The following PTH2R variants were observed in gnomAD, a reference collection of about 807,000 sequenced individuals.
PTH2R encodes parathyroid hormone 2 receptor.
A neutral mutation model predicts 60.3 loss-of-function variants in PTH2R; 59 were observed. That is an observed-to-expected ratio of 0.98 (90% CI 0.79 to 1.22). PTH2R has a LOEUF of 1.22. PTH2R is among the 50% of genes most tolerant of loss of function. The pLI is 0.00. For synonymous variants in PTH2R, 256 were observed against 243.8 expected (o/e 1.05, Z -0.47); for missense variants, 749 against 682.6 (o/e 1.10, Z -1.08).
chr2:208,396,469 AAAAC>A (rs969001892), intron 1 of PTH2R, among the ~76,000 whole-genome samples: 1 of 152,108 alleles, frequency 6.6e-6, no homozygotes, highest in South Asian at 2.1e-4. Flanking sequence ...TTACAAGAAA[AAAAC>A]AACCCCATCA....
At position 208,434,130 on chromosome 2, in the gene PTH2R, A is replaced by G. The variant is rs139705373; in HGVS notation, c.179-3407A>G. Among the ~76,000 whole-genome samples, 1,286 of 152,212 alleles carry G rather than the reference A, an allele frequency of 8.4e-3. 24 individuals carry two copies. The highest frequency in any genetic ancestry group is 0.029 in the African/African-American group (1,209 of 41,528). ...GGAGTTCAAGACCAGCCTGACCAATATGGTGAAACCCTATCTCTACTAAAA... is the reference window on the plus strand; with the variant it reads ...GGAGTTCAAGACCAGCCTGACCAATGTGGTGAAACCCTATCTCTACTAAAA... On this transcript the variant is annotated intron_variant, in intron 2 of 12. Transcript: ENST00000272847.
intron 8 of PTH2R, among the ~76,000 whole-genome samples, chr2:208,457,503 G>A (rs570228480): frequency 1.6e-4 from 24 of 152,296 alleles, no homozygotes; most frequent in African/African-American, 4.8e-4. Flanking sequence ...AGCTCTATTG[G>A]TACAGATATG....
intron 2 of PTH2R, among the ~76,000 whole-genome samples, chr2:208,431,022 C>T (rs1701961016): frequency 6.6e-6 from 1 of 152,096 alleles, no homozygotes; most frequent in Non-Finnish European, 1.5e-5. Context: ...TTTTGCTCCC[C>T]TTTATTCTCT....
At chr2:208,388,459 C>G (rs1383130823) in intron 1 of PTH2R, among the ~76,000 whole-genome samples, 1 of 152,222 alleles carries the variant, frequency 6.6e-6, no homozygotes, top group East Asian at 1.9e-4. Context: ...ACAATGACAT[C>G]TTTTTCTTCT....
intron 1 of PTH2R, among the ~76,000 whole-genome samples, chr2:208,425,521 A>G (rs555099400): frequency 6.6e-6 from 1 of 152,358 alleles, no homozygotes; most frequent in African/African-American, 2.4e-5. Flanking sequence ...ATGACTGCAG[A>G]ACTGCCTTTG....
At chr2:208,490,153 T>C (rs1319124011) in intron 11 of PTH2R, among the ~76,000 whole-genome samples, 1 of 152,222 alleles carries the variant, frequency 6.6e-6, no homozygotes, top group Non-Finnish European at 1.5e-5. Flanking sequence ...AGGGAACTTG[T>C]CTGTTTTGTT....
chr2:208,385,771 T>A (rs1183588399), intron 1 of PTH2R, among the ~76,000 whole-genome samples: 2 of 152,246 alleles, frequency 1.3e-5, no homozygotes, highest in African/African-American at 4.8e-5. Context: ...AAAGGACCTG[T>A]GAAGACTTAG....
intron 2 of PTH2R, among the ~76,000 whole-genome samples, chr2:208,428,743 A>G (rs185213042): frequency 8.5e-5 from 13 of 152,308 alleles, no homozygotes; most frequent in African/African-American, 3.1e-4. Flanking sequence ...TGATTTCTCA[A>G]TTGTTTATGA....
At chr2:208,467,747 A>G (rs755798153) in intron 9 of PTH2R, among the ~76,000 whole-genome samples, 2 of 152,138 alleles carry the variant, frequency 1.3e-5, no homozygotes, top group Non-Finnish European at 2.9e-5. Flanking sequence ...CAGGGATGCT[A>G]TCTCTCTTGA....
chr2:208,444,452 G>T (rs998456600), intron 6 of PTH2R, among the ~76,000 whole-genome samples: 5 of 152,100 alleles, frequency 3.3e-5, no homozygotes, highest in Non-Finnish European at 5.9e-5. Context: ...TTCTGTGATG[G>T]TCGTGTATTA....
chr2:208,440,795 T>C (rs1277922640), intron 4 of PTH2R, among the ~76,000 whole-genome samples: 1 of 152,172 alleles, frequency 6.6e-6, no homozygotes, highest in Non-Finnish European at 1.5e-5. Flanking sequence ...CACCAGGCAA[T>C]TCTTTGCCGT....
At chr2:208,478,316 G>A (rs1175879595) in intron 9 of PTH2R, among the ~76,000 whole-genome samples, 1 of 152,106 alleles carries the variant, frequency 6.6e-6, no homozygotes, top group Non-Finnish European at 1.5e-5. Context: ...GAAGTCAGAA[G>A]TCCTAAAATC....
rs1702600973 is a variant in PTH2R at position 208,459,980 on chromosome 2, A to G, written c.981+19A>G. 6.2e-7 allele frequency: 1 copy of G among 1,607,598 alleles called. No homozygotes were observed. The highest frequency in any genetic ancestry group is 8.5e-7 in the Non-Finnish European group (1 of 1,176,348). On this transcript the variant is annotated intron_variant, in intron 9 of 12. Transcript: ENST00000272847. ...TATTGGGGTAAGTTTAAAAGTTTGT[A>G]TAGTTAAAAAAGGGATGAAAAATTA... is the stretch of plus-strand genomic sequence containing the variant.
intron 2 of PTH2R, among the ~76,000 whole-genome samples, chr2:208,430,721 G>C (rs1701954419): frequency 2.0e-5 from 3 of 151,600 alleles, no homozygotes; most frequent in Admixed American, 2.0e-4. Flanking sequence ...TAATTTTTTT[G>C]TATTTTTTGT....
chr2:208,420,394 C>A (rs1201263113), intron 1 of PTH2R, among the ~76,000 whole-genome samples: 1 of 152,042 alleles, frequency 6.6e-6, no homozygotes, highest in African/African-American at 2.4e-5. Flanking sequence ...TTTTACATTC[C>A]CATGAGCATT....
Position 208,442,480 on chromosome 2 carries a change from T to C in PTH2R, c.509+19T>C. The C allele has an allele frequency of 6.5e-7, 1 of 1,541,802 alleles. No homozygotes were observed. Among genetic ancestry groups the C allele is most frequent in the Non-Finnish European group, 9.0e-7 (1 of 1,114,800 alleles). On this transcript the variant is annotated intron_variant, in intron 5 of 12. Transcript: ENST00000272847. ...ACTTCAGGTGAGTGATGCCCATCAC[T>C]TTTTCCATGAAGGGGCACATTGTCT...
intron 9 of PTH2R, among the ~76,000 whole-genome samples, chr2:208,463,354 G>A (rs1028780794): frequency 2.0e-5 from 3 of 151,918 alleles, no homozygotes; most frequent in East Asian, 3.9e-4. Flanking sequence ...CCCAGCTTAC[G>A]GACAACCTCT....
chr2:208,478,368 G>C (rs1356858888), intron 9 of PTH2R, among the ~76,000 whole-genome samples: 1 of 152,044 alleles, frequency 6.6e-6, no homozygotes, highest in Non-Finnish European at 1.5e-5. Flanking sequence ...GGTGCTGGGG[G>C]GAGTCCTTAT....
Position 208,444,826 on chromosome 2 carries a change from C to T in PTH2R, c.792C>T (p.Leu264=). Residue 264 remains leucine (L), a synonymous_variant, in exon 7 of 13, where the codon CTC becomes CTT. Coordinates refer to ENST00000272847, the MANE Select transcript of PTH2R (RefSeq NM_005048.4). ...TGGAAGGTCTCTACCTGCATAATCT[C>T]ATCTTTGTGGCTTTCTTTTCGGACA... ...ILVEGLYLHN[L]IFVAFFSDTK... The T allele has an allele frequency of 1.2e-6, 2 of 1,613,980 alleles. No individual in the cohort carries two copies. The highest frequency in any genetic ancestry group is 1.7e-6 in the Non-Finnish European group (2 of 1,179,908).
Sources: gnomAD v4.1 joint callset for allele counts (sites outside exome capture counted in the v4.1 genomes callset) on GRCh38, gnomAD v4.1.1 for gene constraint, MANE v1.5 for transcripts, NCBI Gene and HGNC (gene_info 2026-07-23, HGNC 2026-07-21) for gene names.